The following INPP4B variants were observed in gnomAD, a reference collection of about 807,000 sequenced individuals.
The protein encoded by INPP4B is inositol polyphosphate 4-phosphatase type II.
Under a neutral mutation model 122.5 loss-of-function variants are expected in INPP4B, and 55 were observed. That is an observed-to-expected ratio of 0.45 (90% CI 0.36 to 0.56). The LOEUF is 0.56. Among genes scored for constraint, INPP4B ranks in the 20% least tolerant of loss-of-function variants. The pLI, the probability that INPP4B is intolerant of heterozygous loss-of-function variation, is 0.00. For missense variants in INPP4B, 1,000 were observed against 1,097.7 expected, an observed-to-expected ratio of 0.91 and a Z score of 1.26; for synonymous variants, 403 against 388.7, an observed-to-expected ratio of 1.04 and a Z score of -0.43.
chr4:142,445,632 A>G (rs1438680903), intron 3 of INPP4B, among the ~76,000 whole-genome samples: 1 of 151,586 alleles, frequency 6.6e-6, no homozygotes, highest in African/African-American at 2.4e-5. Flanking sequence ...TAATTGTCAG[A>G]GTAAACAGAA....
intron 1 of INPP4B, among the ~76,000 whole-genome samples, chr4:142,745,059 T>G (rs2150930332): frequency 6.6e-6 from 1 of 151,848 alleles, no homozygotes; most frequent in South Asian, 2.1e-4. Flanking sequence ...AATCATCAGG[T>G]TTGGAGCTGG....
chr4:142,632,424 C>A (rs1748171190), intron 2 of INPP4B, among the ~76,000 whole-genome samples: 1 of 151,622 alleles, frequency 6.6e-6, no homozygotes, highest in Admixed American at 6.6e-5. Context: ...TGGTGATTAC[C>A]AAAGATTGGG....
At chr4:142,805,992 A>G (rs1455613924) in intron 1 of INPP4B, among the ~76,000 whole-genome samples, 3 of 152,104 alleles carry the variant, frequency 2.0e-5, no homozygotes, top group Non-Finnish European at 4.4e-5. Context: ...AAATAGAGGA[A>G]AAAAGAGGCC....
intron 2 of INPP4B, among the ~76,000 whole-genome samples, chr4:142,529,617 A>T (rs1202055297): frequency 1.3e-5 from 2 of 152,102 alleles, no homozygotes; most frequent in South Asian, 2.1e-4. Context: ...AGCATGATAA[A>T]TATTGATGAA....
rs528990682 is a variant in INPP4B at position 142,832,631 on chromosome 4, C to T, written c.-254+13578G>A. Among the ~76,000 whole-genome samples, 7 of 152,310 alleles carry T rather than the reference C, an allele frequency of 4.6e-5. No homozygotes were observed. The South Asian group carries it at 1.5e-3, about 32-fold the overall frequency. On this transcript the variant is annotated intron_variant, in intron 1 of 25. Coordinates refer to ENST00000262992, the MANE Select transcript of INPP4B (RefSeq NM_001101669.3). ...GCATTTTCTTTCCCATCAATTGAAG[C>T]TCAAGTGAAGAACACCCAGTATATG...
At chr4:142,205,623 C>T (rs1366798079) in intron 14 of INPP4B, among the ~76,000 whole-genome samples, 1 of 152,050 alleles carries the variant, frequency 6.6e-6, no homozygotes, top group Non-Finnish European at 1.5e-5. Context: ...TTTACATACC[C>T]TAACTCAATC....
chr4:142,649,071 G>A (rs1752400014), intron 2 of INPP4B, among the ~76,000 whole-genome samples: 1 of 152,202 alleles, frequency 6.6e-6, no homozygotes, highest in Non-Finnish European at 1.5e-5. Context: ...TGATACCCAG[G>A]CAAACAGGGT....
intron 2 of INPP4B, among the ~76,000 whole-genome samples, chr4:142,469,464 T>A (rs1012191921): frequency 6.6e-6 from 1 of 152,122 alleles, no homozygotes; most frequent in Non-Finnish European, 1.5e-5. Flanking sequence ...ATAATTCCAA[T>A]GAAAATTCTA....
chr4:142,484,896 G>T (rs1265131699), intron 2 of INPP4B, among the ~76,000 whole-genome samples: 1 of 151,910 alleles, frequency 6.6e-6, no homozygotes. Flanking sequence ...TGCAAATAGG[G>T]GTCCTGTATT....
intron 1 of INPP4B, among the ~76,000 whole-genome samples, chr4:142,797,352 T>C (rs946072883): frequency 1.3e-5 from 2 of 152,012 alleles, no homozygotes; most frequent in East Asian, 3.9e-4. Flanking sequence ...AAATCTGCTA[T>C]ATAATAAGAT....
At chr4:142,028,966 T>G in intron 25 of INPP4B, 52 bp from the exon 26 acceptor site, 1 of 1,570,810 alleles carries the variant, frequency 6.4e-7, no homozygotes, top group Non-Finnish European at 8.6e-7. Flanking sequence ...TAAATAAATA[T>G]GCTTTATTTG....
chr4:142,582,706 G>C (rs1735365070), intron 2 of INPP4B, among the ~76,000 whole-genome samples: 1 of 152,112 alleles, frequency 6.6e-6, no homozygotes, highest in Non-Finnish European at 1.5e-5. Context: ...AAATGGGCAT[G>C]GGCCAGGCCA....
chr4:142,145,979 A>G lies in INPP4B; in HGVS notation c.1581T>C (p.Asn527=). The change falls in exon 18 of 26, where the codon AAT becomes AAC. Residue 527 remains asparagine (N), a synonymous_variant. Coordinates refer to ENST00000262992, the MANE Select transcript of INPP4B (RefSeq NM_001101669.3). ...DEEEWDRVWA[N]VGKSLNCIIA... Reference sequence around the variant, plus strand: ...TAATGCAGTTCAGGCTCTTCCCCACATTGGCCCACACCCTGTCCTGAAAAA... The same window carrying G: ...TAATGCAGTTCAGGCTCTTCCCCACGTTGGCCCACACCCTGTCCTGAAAAA... 6.2e-7 allele frequency: 1 copy of G among 1,613,410 alleles called. No homozygotes were observed. The highest frequency in any genetic ancestry group is 8.5e-7 in the Non-Finnish European group (1 of 1,179,514).
chr4:142,063,647 A>C (rs1762100186), intron 25 of INPP4B, among the ~76,000 whole-genome samples: 1 of 152,128 alleles, frequency 6.6e-6, no homozygotes. Context: ...AAATATATAC[A>C]CATAAATTTA....
intron 12 of INPP4B, among the ~76,000 whole-genome samples, chr4:142,227,511 A>G (rs1405673353): frequency 6.6e-6 from 1 of 152,204 alleles, no homozygotes. Context: ...AAGTTATTAC[A>G]GCTTTTTACA....
intron 2 of INPP4B, among the ~76,000 whole-genome samples, chr4:142,594,865 G>A (rs1738328014): frequency 6.8e-6 from 1 of 147,480 alleles, no homozygotes; most frequent in South Asian, 2.2e-4. Flanking sequence ...TGAGGCAGGA[G>A]AACTGCTTGA....
chr4:142,832,068 T>C (rs1343989962), intron 1 of INPP4B, among the ~76,000 whole-genome samples: 1 of 152,212 alleles, frequency 6.6e-6, no homozygotes, highest in Non-Finnish European at 1.5e-5. Context: ...TACAGTGGTT[T>C]TTCTACATTT....
At chr4:142,722,342 T>G (rs937804276) in intron 2 of INPP4B, among the ~76,000 whole-genome samples, 12 of 152,136 alleles carry the variant, frequency 7.9e-5, no homozygotes, top group African/African-American at 2.7e-4. Flanking sequence ...AAGCCAAGCT[T>G]TAAACCTAAG....
chr4:142,810,933 T>A (rs1779436705), intron 1 of INPP4B, among the ~76,000 whole-genome samples: 1 of 152,248 alleles, frequency 6.6e-6, no homozygotes, highest in African/African-American at 2.4e-5. Flanking sequence ...TTCTTCTTGT[T>A]TTTAACAAAT....
Sources: gnomAD v4.1 joint callset for allele counts (sites outside exome capture counted in the v4.1 genomes callset) on GRCh38, gnomAD v4.1.1 for gene constraint, MANE v1.5 for transcripts, NCBI Gene and HGNC (gene_info 2026-07-23, HGNC 2026-07-21) for gene names.